The following DACH2 variants were observed in gnomAD, a reference collection of about 807,000 sequenced individuals.
DACH2 encodes dachshund homolog 2.
In DACH2, 17 loss-of-function variants were observed where a neutral mutation model predicts 35.8. The ratio of observed to expected loss-of-function variants is 0.48; its 90% CI spans 0.33 to 0.71. The LOEUF (loss-of-function observed/expected upper bound fraction) is 0.71, where lower values mean the gene tolerates loss of function less well. Ranked by LOEUF, DACH2 falls within the 30% of genes least tolerant of loss-of-function variation. The pLI is 0.02. For missense variants in DACH2, 469 were observed against 472.7 expected, an observed-to-expected ratio of 0.99 and a Z score of 0.07; for synonymous variants, 195 against 177.3, an observed-to-expected ratio of 1.10 and a Z score of -0.79.
intron 7 of DACH2, among the ~76,000 whole-genome samples, chrX:86,746,120 A>G (rs1249970394): frequency 8.9e-6 from 1 of 111,882 alleles, no homozygotes; most frequent in Non-Finnish European, 1.9e-5. Flanking sequence ...ATTTCATTGC[A>G]TGGATACATC....
intron 3 of DACH2, among the ~76,000 whole-genome samples, chrX:86,560,141 G>T (rs1602646224): frequency 3.7e-5 from 1 of 26,698 alleles, no homozygotes; most frequent in Non-Finnish European, 5.9e-5. Flanking sequence ...GCCTGGTGGT[G>T]ACAAAATCTC....
In DACH2 at chrX:86,775,748, A is replaced by T. The variant is rs773781048; in HGVS notation, c.1240+35866A>T. Among the ~76,000 whole-genome samples, 58 of 112,153 alleles carry T rather than the reference A, an allele frequency of 5.2e-4. 1 individual carries two copies. In the South Asian group the frequency reaches 0.018, roughly 35 times the overall value. On this transcript the variant is annotated intron_variant, in intron 7 of 11. Transcript: ENST00000373125. The stretch of plus-strand genomic sequence containing the variant: ...TCTACCAGGGAAGTGTTGTATTTGC[A>T]TTTACATTTTGTTCTTATCTACTCT...
At chrX:86,394,265 TA>T (rs2036247699) in intron 2 of DACH2, among the ~76,000 whole-genome samples, 1 of 110,680 alleles carries the variant, frequency 9.0e-6, no homozygotes, top group Non-Finnish European at 1.9e-5. Flanking sequence ...AAGTGCTAAA[TA>T]AATATTAGTT....
intron 2 of DACH2, among the ~76,000 whole-genome samples, chrX:86,388,960 A>G (rs189512626): frequency 1.1e-3 from 121 of 111,229 alleles, no homozygotes; most frequent in Non-Finnish European, 1.4e-3. Flanking sequence ...AAAAATACAG[A>G]CTTTAAGGCT....
intron 3 of DACH2, among the ~76,000 whole-genome samples, chrX:86,573,025 A>G (rs1340395157): frequency 9.0e-6 from 1 of 111,253 alleles, no homozygotes; most frequent in East Asian, 2.9e-4. Flanking sequence ...TAGGTTACTG[A>G]GTTCTAGGGC....
intron 1 of DACH2, among the ~76,000 whole-genome samples, chrX:86,256,178 G>A (rs754887826): frequency 9.0e-6 from 1 of 111,155 alleles, no homozygotes; most frequent in Non-Finnish European, 1.9e-5. Flanking sequence ...ACCTCTTTTA[G>A]GGAAACATAT....
chrX:86,313,160 G>T (rs1010528797), intron 1 of DACH2, among the ~76,000 whole-genome samples: 3 of 110,665 alleles, frequency 2.7e-5, no homozygotes, highest in African/African-American at 9.9e-5. Context: ...CCATAAACTT[G>T]TACTATTATA....
intron 3 of DACH2, among the ~76,000 whole-genome samples, chrX:86,563,457 A>G (rs1387540047): frequency 9.0e-6 from 1 of 111,079 alleles, no homozygotes; most frequent in Non-Finnish European, 1.9e-5. Flanking sequence ...TATAGATCCA[A>G]TAATTGTAAT....
At chrX:86,743,845 GGTAATGAAAGTCTA>G in intron 7 of DACH2, among the ~76,000 whole-genome samples, 1 of 111,111 alleles carries the variant, frequency 9.0e-6, no homozygotes, top group Middle Eastern at 4.6e-3. Context: ...CTCTTGCACA[GGTAATGAAAGTCTA>G]GTTATAGTTG....
chrX:86,676,083 T>C (rs1169186608), intron 4 of DACH2, among the ~76,000 whole-genome samples: 2 of 111,974 alleles, frequency 1.8e-5, no homozygotes, highest in African/African-American at 6.5e-5. Flanking sequence ...CCAGAAATTG[T>C]AGCATATTAT....
At chrX:86,478,227 G>C (rs2037878660) in intron 2 of DACH2, among the ~76,000 whole-genome samples, 1 of 111,582 alleles carries the variant, frequency 9.0e-6, no homozygotes, top group East Asian at 2.8e-4. Flanking sequence ...GTTTCTTGTT[G>C]CTCATTAATG....
In DACH2 at chrX:86,148,873, G is replaced by A. The variant is rs762053957; in HGVS notation, c.253G>A (p.Gly85Ser). 3 of 1,211,465 alleles carry A rather than the reference G, an allele frequency of 2.5e-6. No homozygotes were observed. Among genetic ancestry groups the A allele is most frequent in the East Asian group, 3.0e-5 (1 of 33,780 alleles). The change falls in exon 1 of 12, where the codon GGC becomes AGC. Residue 85 changes from glycine (G) to serine (S), a missense_variant. Around this residue, in one of 3 missense-constraint regions of DACH2, gnomAD observed 99 missense variants for 114.3 expected, o/e 0.87. Coordinates refer to ENST00000373125, the MANE Select transcript of DACH2 (RefSeq NM_053281.3). Reference sequence around the variant, plus strand: ...GAAGGTGGCTTCGTTCCTGATGGACGGCCAGGAACTGATCTGCCTGCCGCA... The same window carrying A: ...GAAGGTGGCTTCGTTCCTGATGGACAGCCAGGAACTGATCTGCCTGCCGCA... ...GMKVASFLMD[G>S]QELICLPQVF...
At chrX:86,176,635 G>C (rs2031313190) in intron 1 of DACH2, among the ~76,000 whole-genome samples, 1 of 111,753 alleles carries the variant, frequency 8.9e-6, no homozygotes, top group Admixed American at 9.5e-5. Flanking sequence ...TAAGAACTCT[G>C]AGAACTTGAC....
Position 86,777,445 on chromosome X carries a change from AG to A in DACH2, c.1241-35409del, listed in dbSNP as rs2042046446. ...GGGTTATCAGTGGTTTCAGGGAGAA[AG>A]GAAGCTTACCAAATTTTGAAAATTT... is the stretch of plus-strand genomic sequence containing the variant. On this transcript the variant is annotated intron_variant, in intron 7 of 11. Coordinates refer to ENST00000373125, the MANE Select transcript of DACH2 (RefSeq NM_053281.3). Among the ~76,000 whole-genome samples the A allele has an allele frequency of 5.4e-5, 6 of 111,388 alleles. No individual in the cohort carries two copies. In the South Asian group the frequency reaches 2.3e-3, roughly 42 times the overall value.
At chrX:86,199,336 T>A (rs1327738207) in intron 1 of DACH2, among the ~76,000 whole-genome samples, 2 of 111,429 alleles carry the variant, frequency 1.8e-5, no homozygotes, top group Admixed American at 1.9e-4. Context: ...GCTGGAAGCA[T>A]TCCCCTTGAA....
chrX:86,290,978 G>T (rs1338733064), intron 1 of DACH2, among the ~76,000 whole-genome samples: 5 of 109,119 alleles, frequency 4.6e-5, no homozygotes. Flanking sequence ...TTGGTAGCTT[G>T]ATGGGGATGG....
chrX:86,440,229 T>C (rs1602520974), intron 2 of DACH2, among the ~76,000 whole-genome samples: 1 of 111,575 alleles, frequency 9.0e-6, no homozygotes, highest in East Asian at 2.8e-4. Flanking sequence ...TAGAGTCTCC[T>C]GCTCTAATAG....
intron 2 of DACH2, among the ~76,000 whole-genome samples, chrX:86,410,864 C>T (rs992741528): frequency 2.8e-5 from 3 of 106,208 alleles, no homozygotes; most frequent in Non-Finnish European, 3.9e-5. Flanking sequence ...CCATAGTGTC[C>T]TTGTGTTTTG....
chrX:86,687,384 A>G (rs2040957866), intron 4 of DACH2, among the ~76,000 whole-genome samples: 1 of 111,729 alleles, frequency 9.0e-6, no homozygotes, highest in Admixed American at 9.6e-5. Context: ...TTAAAAAGTA[A>G]GGAAACAACA....
Sources: allele counts gnomAD v4.1 joint callset (sites outside exome capture counted in the v4.1 genomes callset), GRCh38; gene constraint gnomAD v4.1.1; regional missense constraint gnomAD v4.1.1; transcripts MANE v1.5; gene names NCBI Gene and HGNC (gene_info 2026-07-23, HGNC 2026-07-21).